UBE2E2: variants seen among roughly 807,000 people sequenced by gnomAD.
UBE2E2 encodes ubiquitin conjugating enzyme E2 E2, also known as ubiquitin-conjugating enzyme E2 E2.
Under a neutral mutation model 24.7 loss-of-function variants are expected in UBE2E2, and 6 were observed. The observed-to-expected ratio is 0.24, with a 90% confidence interval of 0.13 to 0.48. The LOEUF is 0.48. Ranked by LOEUF, UBE2E2 falls within the 20% of genes least tolerant of loss-of-function variation. The pLI is 0.99. For missense variants in UBE2E2, 169 were observed against 245.0 expected (o/e 0.69, Z 2.07); for synonymous variants, 104 against 83.6 (o/e 1.24, Z -1.33).
At chr3:23,212,030 C>G (rs938054553) in intron 2 of UBE2E2, among the ~76,000 whole-genome samples, 2 of 152,232 alleles carry the variant, frequency 1.3e-5, no homozygotes, top group African/African-American at 4.8e-5. Flanking sequence ...AAAGTGCTTG[C>G]ACGTAGGTGC....
At chr3:23,409,211 T>TA (rs1423305529) in intron 3 of UBE2E2, among the ~76,000 whole-genome samples, 1 of 152,154 alleles carries the variant, frequency 6.6e-6, no homozygotes, top group Non-Finnish European at 1.5e-5. Context: ...GATCAGTTTT[T>TA]AAAAATTCAA....
chr3:23,214,471 G>A (rs1400011879), intron 2 of UBE2E2, among the ~76,000 whole-genome samples: 3 of 151,570 alleles, frequency 2.0e-5, no homozygotes, highest in Admixed American at 6.6e-5. Context: ...GGTTGGTCTC[G>A]AATTTCTGGC....
chr3:23,437,576 T>C (rs943739967), intron 3 of UBE2E2, among the ~76,000 whole-genome samples: 60 of 152,200 alleles, frequency 3.9e-4, no homozygotes, highest in African/African-American at 1.4e-3. Context: ...AAAGAAGTAG[T>C]GTAAAACGTA....
chr3:23,274,244 T>C (rs1340388129), intron 3 of UBE2E2, among the ~76,000 whole-genome samples: 1 of 152,234 alleles, frequency 6.6e-6, no homozygotes, highest in Non-Finnish European at 1.5e-5. Flanking sequence ...GAAACTCATA[T>C]TGTTGAAGAA....
At chr3:23,368,424 G>A (rs952601418) in intron 3 of UBE2E2, among the ~76,000 whole-genome samples, 4 of 152,138 alleles carry the variant, frequency 2.6e-5, no homozygotes, top group South Asian at 2.1e-4. Context: ...GGCAATGAGT[G>A]TCTTACAAGT....
At chr3:23,412,800 AC>A (rs1697523782) in intron 3 of UBE2E2, among the ~76,000 whole-genome samples, 2 of 152,060 alleles carry the variant, frequency 1.3e-5, no homozygotes, top group Non-Finnish European at 2.9e-5. Flanking sequence ...CTCAGGCCTC[AC>A]CCCACATTTA....
chr3:23,213,224 C>G (rs1006891850), intron 2 of UBE2E2, among the ~76,000 whole-genome samples: 1 of 152,062 alleles, frequency 6.6e-6, no homozygotes, highest in Non-Finnish European at 1.5e-5. Flanking sequence ...TTCTTTAACT[C>G]AAGAAATGTA....
chr3:23,452,161 G>A (rs954808178), intron 3 of UBE2E2, among the ~76,000 whole-genome samples: 2 of 152,136 alleles, frequency 1.3e-5, no homozygotes, highest in African/African-American at 4.8e-5. Context: ...GCTGGAATAT[G>A]TTAGTTCATA....
At chr3:23,406,516 ATTG>A (rs1559374544) in intron 3 of UBE2E2, among the ~76,000 whole-genome samples, 4 of 152,212 alleles carry the variant, frequency 2.6e-5, no homozygotes, top group Admixed American at 6.6e-5. Flanking sequence ...AGTTTTTAAT[ATTG>A]TTGTTATGTA....
chr3:23,430,157 T>C (rs1312870760), intron 3 of UBE2E2, among the ~76,000 whole-genome samples: 2 of 151,006 alleles, frequency 1.3e-5, no homozygotes, highest in Admixed American at 1.3e-4. Flanking sequence ...TGTCTAGTGC[T>C]TAAGAATATA....
chr3:23,234,924 G>T (rs1187937229), intron 3 of UBE2E2, among the ~76,000 whole-genome samples: 1 of 152,272 alleles, frequency 6.6e-6, no homozygotes, highest in East Asian at 1.9e-4. Flanking sequence ...TTGAAAGAAT[G>T]TCAGGCGCTG....
rs371254838 is a variant in UBE2E2, at chr3:23,333,128, C to T, written c.227+115816C>T. Among the ~76,000 whole-genome samples, 5 of 152,200 alleles carry T rather than the reference C, an allele frequency of 3.3e-5. No homozygotes were observed. In the East Asian group the frequency reaches 7.7e-4, roughly 24 times the overall value. The stretch of plus-strand genomic sequence containing the variant: ...TAATTTCAGCCTTAATCTGAAATAC[C>T]TAATGCCCTGCAAGGCTCTCTGAGA... On this transcript the variant is annotated intron_variant, in intron 3 of 5. Transcript: ENST00000396703.
At chr3:23,565,845 C>T (rs535946697) in intron 5 of UBE2E2, among the ~76,000 whole-genome samples, 1 of 152,114 alleles carries the variant, frequency 6.6e-6, no homozygotes, top group Non-Finnish European at 1.5e-5. Context: ...CACCTCTTTT[C>T]TTTCCTCCTT....
intron 3 of UBE2E2, among the ~76,000 whole-genome samples, chr3:23,396,017 A>C (rs1559371325): frequency 6.6e-6 from 1 of 152,106 alleles, no homozygotes; most frequent in Non-Finnish European, 1.5e-5. Context: ...TTACTTTAAC[A>C]ACAAATGCGT....
intron 3 of UBE2E2, among the ~76,000 whole-genome samples, chr3:23,287,773 CTTT>C (rs34258354): frequency 7.2e-5 from 10 of 138,966 alleles, no homozygotes; most frequent in Admixed American, 1.4e-4. Context: ...ATGTCTCTCT[CTTT>C]TTTTTTTTTT....
intron 3 of UBE2E2, chr3:23,273,785 A>T (rs1698312813): frequency 6.6e-6 from 1 of 152,380 alleles, no homozygotes; most frequent in African/African-American, 2.4e-5. Context: ...GACATGGTAC[A>T]TGCTGGTTAA....
At chr3:23,452,979 A>G (rs1040610835) in intron 3 of UBE2E2, among the ~76,000 whole-genome samples, 3 of 152,180 alleles carry the variant, frequency 2.0e-5, no homozygotes, top group African/African-American at 4.8e-5. Context: ...TGTTTTTCCC[A>G]TAAGTGCACT....
intron 3 of UBE2E2, among the ~76,000 whole-genome samples, chr3:23,252,902 A>G (rs1472611226): frequency 6.6e-6 from 1 of 152,202 alleles, no homozygotes; most frequent in African/African-American, 2.4e-5. Context: ...TTACTTTCAT[A>G]TCTAAATTGA....
intron 3 of UBE2E2, among the ~76,000 whole-genome samples, chr3:23,413,085 T>C (rs954663902): frequency 1.3e-5 from 2 of 151,194 alleles, no homozygotes; most frequent in South Asian, 2.1e-4. Context: ...TTAGGAGATA[T>C]ACCTAATGCT....
Sources: gnomAD v4.1 joint callset for allele counts (sites outside exome capture counted in the v4.1 genomes callset) on GRCh38, gnomAD v4.1.1 for gene constraint, MANE v1.5 for transcripts, NCBI Gene and HGNC (gene_info 2026-07-23, HGNC 2026-07-21) for gene names.